The following NEO1 variants were observed in gnomAD, a reference collection of about 807,000 sequenced individuals.
The protein encoded by NEO1 is neogenin.
In NEO1, 63 loss-of-function variants were observed where a neutral mutation model predicts 159.7. That is an observed-to-expected ratio of 0.39 (90% CI 0.32 to 0.49). NEO1 has a LOEUF of 0.49. Ranked by LOEUF, NEO1 falls within the 20% of genes least tolerant of loss-of-function variation. The pLI is 0.85. For synonymous variants in NEO1, 633 were observed against 662.0 expected, an observed-to-expected ratio of 0.96 and a Z score of 0.67; for missense variants, 1,615 against 1,831.0, an observed-to-expected ratio of 0.88 and a Z score of 2.15.
intron 25 of NEO1, among the ~76,000 whole-genome samples, chr15:73,290,030 G>A (rs2042101511): frequency 6.6e-6 from 1 of 151,982 alleles, no homozygotes; most frequent in South Asian, 2.1e-4. Context: ...AGGCTACCCA[G>A]GAGGCTGAGA....
chr15:73,260,256 A>G lies in NEO1; in HGVS notation c.2204-15A>G, dbSNP rs1253996436. 3.7e-6 allele frequency: 6 copies of G among 1,609,076 alleles called. No individual in the cohort carries two copies. ...ACAGTATATCTCATCTTGCTTTTCC[A>G]CTTTTCCTTCCCAGAAACTCGTGTT... On this transcript the variant is annotated splice_polypyrimidine_tract_variant and intron_variant, in intron 14 of 28. Transcript: ENST00000261908.
intron 1 of NEO1, among the ~76,000 whole-genome samples, chr15:73,096,752 A>G (rs577747562): frequency 6.6e-6 from 1 of 152,220 alleles, no homozygotes; most frequent in Admixed American, 6.5e-5. Flanking sequence ...ATCCACCTTA[A>G]AGTCCTGATT....
At chr15:73,172,980 T>C (rs542806148) in intron 5 of NEO1, among the ~76,000 whole-genome samples, 1 of 152,360 alleles carries the variant, frequency 6.6e-6, no homozygotes, top group South Asian at 2.1e-4. Context: ...TATGCAACTT[T>C]GGCACGAGTG....
intron 1 of NEO1, among the ~76,000 whole-genome samples, chr15:73,082,132 C>G (rs2069091975): frequency 7.2e-6 from 1 of 138,520 alleles, no homozygotes; most frequent in African/African-American, 2.4e-5. Context: ...ACTCGGCCTC[C>G]CAGAGTGCTG....
At chr15:73,278,806 G>T (rs1301045446) in intron 22 of NEO1, among the ~76,000 whole-genome samples, 1 of 152,198 alleles carries the variant, frequency 6.6e-6, no homozygotes. Flanking sequence ...GAAGTAACGT[G>T]CCTGGGGCCA....
At chr15:73,246,000 A>G (rs75420367) in intron 9 of NEO1, among the ~76,000 whole-genome samples, 8,537 of 152,280 alleles carry the variant, frequency 0.056, 315 homozygotes, top group Middle Eastern at 0.099. Context: ...ATATATTTGT[A>G]GAGGCTACTG....
At chr15:73,237,281 A>G (rs890042494) in intron 8 of NEO1, among the ~76,000 whole-genome samples, 3 of 152,192 alleles carry the variant, frequency 2.0e-5, no homozygotes, top group African/African-American at 7.2e-5. Context: ...GTGTATTTGT[A>G]TCCCTAATAT....
intron 1 of NEO1, among the ~76,000 whole-genome samples, chr15:73,070,509 A>G (rs913447081): frequency 6.6e-6 from 1 of 152,224 alleles, no homozygotes; most frequent in Non-Finnish European, 1.5e-5. Context: ...GATGAAAGTG[A>G]ATCATGGAAG....
chr15:73,153,587 A>G lies in NEO1; in HGVS notation c.1015+17560A>G, dbSNP rs548008952. The stretch of plus-strand genomic sequence containing the variant: ...TGAAAAAATAATGTAAGCAAGTTAT[A>G]TTGGCGAAAGTCGTTATTGTCAGCC... On this transcript the variant is annotated intron_variant, in intron 5 of 28. Coordinates refer to ENST00000261908, the MANE Select transcript of NEO1 (RefSeq NM_002499.4). Among the ~76,000 whole-genome samples, 9 of 152,356 alleles carry G rather than the reference A, an allele frequency of 5.9e-5. No individual in the cohort carries two copies. In the South Asian group the frequency reaches 1.9e-3, roughly 32 times the overall value.
intron 1 of NEO1, among the ~76,000 whole-genome samples, chr15:73,112,330 T>G (rs972691814): frequency 5.9e-5 from 9 of 152,170 alleles, no homozygotes; most frequent in Non-Finnish European, 1.2e-4. Context: ...ATTTTTGTAT[T>G]GAGCAGTTTA....
Position 73,302,774 on chromosome 15 carries a change from G to A in NEO1, c.*78G>A. On this transcript the variant is annotated 3_prime_UTR_variant, in exon 29 of 29. Transcript: ENST00000261908. ...ACCCTTGAAAACAAGGAATTGTACA[G>A]AGTACGAGAGGACAGCACTTGAGAA... 3 of 1,312,524 alleles carry A rather than the reference G, an allele frequency of 2.3e-6. No individual in the cohort carries two copies. Among genetic ancestry groups the A allele is most frequent in the Middle Eastern group, 1.8e-4 (1 of 5,510 alleles). 81.3% of individuals were successfully genotyped at this position (1,312,524 alleles called of 1,614,324 possible). A position where few individuals can be genotyped will look rare whatever the true frequency, so the allele number is the denominator to read the frequency against.
chr15:73,199,217 T>C (rs2036714165), intron 7 of NEO1, among the ~76,000 whole-genome samples: 1 of 151,438 alleles, frequency 6.6e-6, no homozygotes, highest in Non-Finnish European at 1.5e-5. Flanking sequence ...GACTGGGATA[T>C]GGGTTTTTGA....
Position 73,288,295 on chromosome 15 carries a change from T to G in NEO1, c.3411-18T>G, listed in dbSNP as rs186993124. On this transcript the variant is annotated intron_variant, in intron 23 of 28. Coordinates refer to ENST00000261908, the MANE Select transcript of NEO1 (RefSeq NM_002499.4). ...AAATGAGTTACTTTTTAAAAGCTCC[T>G]CTGAACTTCGTGCCTAGGAAACGAG... The G allele has an allele frequency of 6.2e-7, 1 of 1,605,234 alleles. No homozygotes were observed. Among genetic ancestry groups the G allele is most frequent in the East Asian group, 2.2e-5 (1 of 44,706 alleles).
rs1010579828 is a variant in NEO1 at position 73,126,520 on chromosome 15, T to G, written c.828T>G (p.Pro276=). 1 of 1,613,794 alleles carries G rather than the reference T, an allele frequency of 6.2e-7. No individual in the cohort carries two copies. Among genetic ancestry groups the G allele is most frequent in the African/African-American group, 1.3e-5 (1 of 74,904 alleles). The change falls in exon 4 of 29, where the codon CCT becomes CCG. Residue 276 remains proline, a synonymous_variant. Coordinates refer to ENST00000261908, the MANE Select transcript of NEO1 (RefSeq NM_002499.4). The stretch of plus-strand genomic sequence containing the variant: ...TGCCATGTGTTGCTTCAGGACTTCC[T>G]ACTCCAACCATTAAATGGATGAAAA... The part of the protein sequence containing the change: ...VVLPCVASGL[P]TPTIKWMKNE...
chr15:73,159,057 G>A lies in NEO1; in HGVS notation c.1016-17346G>A, dbSNP rs147337086. Reference sequence around the variant, plus strand: ...GCAGAAGGGTTGCTTGAGCCCCGGAGTTTGAGTTCTGCCTGGGCAACTATA... The same window carrying A: ...GCAGAAGGGTTGCTTGAGCCCCGGAATTTGAGTTCTGCCTGGGCAACTATA... On this transcript the variant is annotated intron_variant, in intron 5 of 28. Coordinates refer to ENST00000261908, the MANE Select transcript of NEO1 (RefSeq NM_002499.4). Among the ~76,000 whole-genome samples, 9 of 152,262 alleles carry A rather than the reference G, an allele frequency of 5.9e-5. No individual in the cohort carries two copies. In the East Asian group the frequency reaches 1.2e-3, roughly 20 times the overall value.
In NEO1 at chr15:73,122,536, T is replaced by C; in HGVS notation, c.460T>C (p.Phe154Leu). ...AKLIVAGLPRFTSQPEPSSVY... is the reference protein window; with the variant it reads ...AKLIVAGLPRLTSQPEPSSVY... ...CCTTTATTGTCCAGGTCTTCCAAGA[T>C]TTACCAGCCAACCAGAACCTTCCTC... Residue 154 changes from phenylalanine to leucine, a missense_variant, in exon 3 of 29, where the codon TTT becomes CTT. Phe to Leu is a conservative substitution (Grantham distance 22, BLOSUM62 0). Coordinates refer to ENST00000261908, the MANE Select transcript of NEO1 (RefSeq NM_002499.4). 6.2e-7 allele frequency: 1 copy of C among 1,613,842 alleles called. No individual in the cohort carries two copies. The highest frequency in any genetic ancestry group is 8.5e-7 in the Non-Finnish European group (1 of 1,179,808).
At chr15:73,132,187 A>G (rs1381673256) in intron 4 of NEO1, among the ~76,000 whole-genome samples, 2 of 152,228 alleles carry the variant, frequency 1.3e-5, no homozygotes, top group Non-Finnish European at 2.9e-5. Flanking sequence ...TATTTGTTAA[A>G]TGAATGAGTA....
chr15:73,181,482 G>C (rs939021279), intron 7 of NEO1, among the ~76,000 whole-genome samples: 1 of 152,108 alleles, frequency 6.6e-6, no homozygotes, highest in Admixed American at 6.6e-5. Flanking sequence ...GGTTTAGTTG[G>C]CTCCCAGTTC....
chr15:73,209,607 A>G (rs1025174455), intron 7 of NEO1, among the ~76,000 whole-genome samples: 1 of 152,234 alleles, frequency 6.6e-6, no homozygotes, highest in Non-Finnish European at 1.5e-5. Flanking sequence ...GAATACTGAG[A>G]TACTTGAACA....
Sources: allele counts gnomAD v4.1 joint callset (sites outside exome capture counted in the v4.1 genomes callset), GRCh38; gene constraint gnomAD v4.1.1; transcripts MANE v1.5; gene names NCBI Gene and HGNC (gene_info 2026-07-23, HGNC 2026-07-21).